ATP10A: variants seen among roughly 807,000 people sequenced by gnomAD.
ATP10A encodes the protein ATPase phospholipid transporting 10A (putative).
ATP10A carries 111 observed loss-of-function variants against 147.8 expected under a neutral mutation model. The observed-to-expected ratio is 0.75, with a 90% CI of 0.64 to 0.88. The LOEUF is 0.88. Ranked by LOEUF, ATP10A falls within the 40% of genes least tolerant of loss-of-function variation. ATP10A has a pLI of 0.00. For synonymous variants in ATP10A, 875 were observed against 841.6 expected (o/e 1.04, Z -0.69); for missense variants, 1,927 against 1,959.0 (o/e 0.98, Z 0.31).
At chr15:25,724,913 A>C (rs1902450718) in intron 5 of ATP10A, among the ~76,000 whole-genome samples, 1 of 152,240 alleles carries the variant, frequency 6.6e-6, no homozygotes, top group Admixed American at 6.5e-5. Context: ...TCCCTAAACA[A>C]CACAGTATAA....
Position 25,781,010 on chromosome 15 carries a change from G to T in ATP10A, c.654+9C>A, listed in dbSNP as rs200202311. On this transcript the variant is annotated intron_variant, in intron 2 of 20. Coordinates refer to ENST00000555815, the MANE Select transcript of ATP10A (RefSeq NM_024490.4). ...TGCCTGCAAGGCCCTGGAAACGTGG[G>T]TCACTTACAAGCTCCGAGAAGCCGC... The T allele has an allele frequency of 1.4e-5, 22 of 1,613,134 alleles. No individual in the cohort carries two copies. In the African/African-American group the frequency reaches 1.7e-4, roughly 13 times the overall value.
chr15:25,741,028 CT>C (rs1333351351), intron 2 of ATP10A, among the ~76,000 whole-genome samples: 2 of 152,218 alleles, frequency 1.3e-5, no homozygotes, highest in Non-Finnish European at 2.9e-5. Flanking sequence ...AGGATGTTGT[CT>C]TTTCTGGAGA....
rs1252773229 is a variant in ATP10A, at chr15:25,683,445, G to T, written c.3333C>A (p.Gly1111=). ...GLLFWFQFFC[G]FSASTMIDQW... ...GGTCAATCATGGTAGATGCAGAGAAGCCACAGAAAAACTGGAACCAAAACA... is the reference window on the plus strand; with the variant it reads ...GGTCAATCATGGTAGATGCAGAGAATCCACAGAAAAACTGGAACCAAAACA... The change falls in exon 17 of 21, where the codon GGC becomes GGA. Residue 1111 remains glycine, a synonymous_variant. Coordinates refer to ENST00000555815, the MANE Select transcript of ATP10A (RefSeq NM_024490.4). The T allele has an allele frequency of 1.9e-6, 3 of 1,614,026 alleles. No homozygotes were observed. Among genetic ancestry groups the T allele is most frequent in the Non-Finnish European group, 2.5e-6 (3 of 1,180,002 alleles).
At chr15:25,713,070 G>T (rs1347313314) in intron 10 of ATP10A, among the ~76,000 whole-genome samples, 1 of 152,230 alleles carries the variant, frequency 6.6e-6, no homozygotes, top group Non-Finnish European at 1.5e-5. Flanking sequence ...GTGGCAGGCA[G>T]TAGAGCCTCA....
At chr15:25,707,923 C>T (rs557394098) in intron 12 of ATP10A, 53 bp downstream of exon 12, 10 of 1,597,590 alleles carry the variant, frequency 6.3e-6, no homozygotes, top group South Asian at 2.2e-5. Flanking sequence ...CCTCCAGGGC[C>T]GTCCCTGCAA....
intron 1 of ATP10A, among the ~76,000 whole-genome samples, chr15:25,842,273 C>T (rs1005536022): frequency 2.0e-5 from 3 of 152,224 alleles, no homozygotes; most frequent in South Asian, 4.2e-4. Flanking sequence ...TACCTGTTGG[C>T]GGTTCTGGTT....
rs551653627 is a variant in ATP10A at position 25,856,705 on chromosome 15, A to T, written c.449+5943T>A. The stretch of plus-strand genomic sequence containing the variant: ...ACATCACAAAAAGACAAGTAAGCAC[A>T]CGTGTCTCCTAATGGAAGTGCAGAA... On this transcript the variant is annotated intron_variant, in intron 1 of 20. Coordinates refer to ENST00000555815, the MANE Select transcript of ATP10A (RefSeq NM_024490.4). 2.0e-5 allele frequency among the ~76,000 whole-genome samples: 3 copies of T among 152,284 alleles called. No homozygotes were observed. In the East Asian group the frequency reaches 5.8e-4, roughly 29 times the overall value.
At chr15:25,794,329 C>T (rs1312932411) in intron 1 of ATP10A, among the ~76,000 whole-genome samples, 1 of 151,748 alleles carries the variant, frequency 6.6e-6, no homozygotes, top group African/African-American at 2.4e-5. Flanking sequence ...TTAAAAATCA[C>T]AAAGCAACCT....
At chr15:25,820,231 C>T (rs1891824014) in intron 1 of ATP10A, among the ~76,000 whole-genome samples, 2 of 152,046 alleles carry the variant, frequency 1.3e-5, no homozygotes, top group Admixed American at 1.3e-4. Context: ...ATAACTAGCT[C>T]AAAAATCTGG....
intron 2 of ATP10A, among the ~76,000 whole-genome samples, chr15:25,749,829 T>C (rs1888052695): frequency 6.6e-6 from 1 of 152,016 alleles, no homozygotes; most frequent in African/African-American, 2.4e-5. Context: ...CTACAATATC[T>C]GAGACAAAAA....
intron 2 of ATP10A, among the ~76,000 whole-genome samples, chr15:25,771,920 T>G (rs57838486): frequency 0.042 from 6,434 of 151,876 alleles, 380 homozygotes; most frequent in African/African-American, 0.11. Context: ...GCCTGGATAA[T>G]TTTTGTATTT....
chr15:25,847,465 T>C (rs1318307431), intron 1 of ATP10A, among the ~76,000 whole-genome samples: 2 of 152,158 alleles, frequency 1.3e-5, no homozygotes, highest in African/African-American at 4.8e-5. Context: ...CGTGAAGTTT[T>C]ATCACTAAGT....
At chr15:25,800,055 C>T (rs1596911860) in intron 1 of ATP10A, among the ~76,000 whole-genome samples, 2 of 152,168 alleles carry the variant, frequency 1.3e-5, no homozygotes, top group East Asian at 1.9e-4. Context: ...ACACCAAACT[C>T]GCCTGGGGGC....
intron 10 of ATP10A, chr15:25,709,596 C>G (rs973443685): frequency 5.3e-5 from 8 of 152,230 alleles, no homozygotes; most frequent in African/African-American, 1.7e-4. Context: ...CCTGGGTGCC[C>G]CAGACGAGGA....
intron 2 of ATP10A, among the ~76,000 whole-genome samples, chr15:25,744,432 TC>T (rs1887738526): frequency 6.6e-6 from 1 of 152,140 alleles, no homozygotes; most frequent in African/African-American, 2.4e-5. Flanking sequence ...AAAATCAATT[TC>T]CAGGTACAAT....
chr15:25,707,856 A>AC lies in ATP10A; in HGVS notation c.2575+119_2575+120insG, dbSNP rs1901132551. 4 of 1,383,460 alleles carry AC rather than the reference A, an allele frequency of 2.9e-6. No homozygotes were observed. In the African/African-American group the frequency reaches 5.7e-5, roughly 20 times the overall value. 85.7% of individuals were successfully genotyped at this position (1,383,460 alleles called of 1,614,324 possible). On this transcript the variant is annotated intron_variant, in intron 12 of 20. Transcript: ENST00000555815. The stretch of plus-strand genomic sequence containing the variant: ...GCCTCGGCTGTGCCAGCGTCCTGCC[A>AC]GGTGGCTCCCTAACCAAGGCCAGCC...
chr15:25,809,779 G>A (rs143476926), intron 1 of ATP10A, among the ~76,000 whole-genome samples: 1 of 152,068 alleles, frequency 6.6e-6, no homozygotes, highest in Non-Finnish European at 1.5e-5. Flanking sequence ...ACTTAAGCAC[G>A]GGAAGATCCT....
downstream of ATP10A, among the ~76,000 whole-genome samples, chr15:25,675,995 A>G (rs1409737118): frequency 1.3e-5 from 2 of 152,102 alleles, no homozygotes; most frequent in African/African-American, 2.4e-5. Context: ...AGGAGGGGAA[A>G]GGAAGGGACC....
intron 2 of ATP10A, among the ~76,000 whole-genome samples, chr15:25,778,524 A>G (rs894220123): frequency 2.0e-5 from 3 of 149,938 alleles, no homozygotes; most frequent in African/African-American, 4.9e-5. Flanking sequence ...AAGTCGGGGG[A>G]AAAAGGTAAT....
Sources: allele counts gnomAD v4.1 joint callset (sites outside exome capture counted in the v4.1 genomes callset), GRCh38; gene constraint gnomAD v4.1.1; transcripts MANE v1.5; gene names NCBI Gene and HGNC (gene_info 2026-07-23, HGNC 2026-07-21).